Variants in DNAH14 observed in about 807,000 individuals in gnomAD.
The protein encoded by DNAH14 is axonemal beta dynein heavy chain 14.
In DNAH14, 478 loss-of-function variants were observed where a neutral mutation model predicts 520.9. The ratio of observed to expected loss-of-function variants is 0.92; its 90% CI spans 0.85 to 0.99. The LOEUF (loss-of-function observed/expected upper bound fraction) is 0.99. DNAH14 is among the 50% of genes least tolerant of loss of function. The pLI is 0.00. For synonymous variants in DNAH14, 1,581 were observed against 1,757.2 expected (o/e 0.90, Z 2.51); for missense variants, 4,831 against 5,234.5 (o/e 0.92, Z 2.38).
intron 17 of DNAH14, among the ~76,000 whole-genome samples, chr1:225,078,712 A>C (rs1356711097): frequency 6.6e-6 from 1 of 150,670 alleles, no homozygotes; most frequent in African/African-American, 2.5e-5. Flanking sequence ...TGTTCTCGTG[A>C]TAGAGTTCTC....
In DNAH14 at chr1:225,108,456, A is replaced by G. The variant is rs2076252863; in HGVS notation, c.3867+7572A>G. On this transcript the variant is annotated intron_variant, in intron 23 of 85. Transcript: ENST00000682510. The stretch of plus-strand genomic sequence containing the variant: ...TCCTATTAGTCCTGTCCCTCTAGAG[A>G]ACCGTGACTAATACAACCTGGTTGC... 2.0e-5 allele frequency among the ~76,000 whole-genome samples: 3 copies of G among 152,166 alleles called. No individual in the cohort carries two copies. In the South Asian group the frequency reaches 6.2e-4, roughly 32 times the overall value.
intron 8 of DNAH14, among the ~76,000 whole-genome samples, chr1:224,979,870 A>G (rs1558583573): frequency 6.6e-6 from 1 of 152,182 alleles, no homozygotes; most frequent in Admixed American, 6.5e-5. Context: ...GATCCCAGAC[A>G]TTTATAGACA....
At chr1:224,983,523 A>G (rs574311757) in intron 8 of DNAH14, among the ~76,000 whole-genome samples, 13 of 152,240 alleles carry the variant, frequency 8.5e-5, no homozygotes, top group African/African-American at 2.9e-4. Flanking sequence ...CTCCTCTCCA[A>G]CATAGTACTG....
intron 10 of DNAH14, among the ~76,000 whole-genome samples, chr1:225,017,549 TG>T (rs1431827531): frequency 2.6e-5 from 4 of 152,160 alleles, no homozygotes; most frequent in Non-Finnish European, 4.4e-5. Context: ...GGGGTGCTCA[TG>T]CTTCCCCCAT....
At chr1:225,252,227 A>G (rs1429652562) in intron 43 of DNAH14, 74 bp from the exon 44 acceptor site, 1 of 807,118 alleles carries the variant, frequency 1.2e-6, no homozygotes, top group Non-Finnish European at 2.1e-6. Flanking sequence ...TCTTTCAGAG[A>G]GAGTTTACAT....
chr1:225,397,727 CTATT>C (rs1011822844), intron 84 of DNAH14: 2 of 152,166 alleles, frequency 1.3e-5, no homozygotes, highest in Non-Finnish European at 2.9e-5. Context: ...ATGTAATCCT[CTATT>C]TAACCTATAT....
At chr1:225,298,631 G>A (rs1377684220) in intron 55 of DNAH14, among the ~76,000 whole-genome samples, 1 of 152,154 alleles carries the variant, frequency 6.6e-6, no homozygotes, top group Non-Finnish European at 1.5e-5. Flanking sequence ...CATGGCTACT[G>A]GCCCCTAGAG....
chr1:224,995,346 C>A (rs930485018), intron 8 of DNAH14, among the ~76,000 whole-genome samples: 1 of 151,860 alleles, frequency 6.6e-6, no homozygotes, highest in East Asian at 1.9e-4. Context: ...TTTTTTTTCC[C>A]CCTTAGCATT....
At chr1:225,205,921 A>C in intron 39 of DNAH14, 50 bp from the exon 40 acceptor site, 1 of 1,414,562 alleles carries the variant, frequency 7.1e-7, no homozygotes, top group South Asian at 1.3e-5. Flanking sequence ...ATTGTAATGA[A>C]AGATGACGGA....
chr1:225,205,740 A>G (rs1352220672), intron 39 of DNAH14, among the ~76,000 whole-genome samples: 1 of 152,310 alleles, frequency 6.6e-6, no homozygotes, highest in South Asian at 2.1e-4. Flanking sequence ...ATCTAATTCA[A>G]CAATCTAAGA....
intron 55 of DNAH14, among the ~76,000 whole-genome samples, chr1:225,290,934 G>A (rs1195804746): frequency 2.6e-5 from 4 of 151,324 alleles, no homozygotes; most frequent in Non-Finnish European, 2.9e-5. Flanking sequence ...GTTATGTATA[G>A]TTATCCTACA....
intron 68 of DNAH14, chr1:225,338,394 T>C: frequency 1.4e-6 from 1 of 701,136 alleles, no homozygotes; most frequent in South Asian, 1.6e-5. Context: ...AACCAACACT[T>C]TTCAAACTGT....
In DNAH14 at chr1:225,335,694, CAT is replaced by C. The variant is rs1458566506; in HGVS notation, c.10081-1569_10081-1568del. On this transcript the variant is annotated intron_variant, in intron 66 of 85. Coordinates refer to ENST00000682510, the MANE Select transcript of DNAH14 (RefSeq NM_001367479.1). ...GCATATATGTATATACGCATATATA[CAT>C]ATGTGCATATATGTATATACGCATA... Among the ~76,000 whole-genome samples, 118 of 82,956 alleles carry C rather than the reference CAT, an allele frequency of 1.4e-3. 22 individuals are homozygous for C. The highest frequency in any genetic ancestry group is 2.0e-3 in the Non-Finnish European group (83 of 41,116). 54.4% of individuals were successfully genotyped at this position (82,956 alleles called of 152,430 possible). A position where few individuals can be genotyped will look rare whatever the true frequency, so the allele number is the denominator to read the frequency against.
chr1:224,978,961 AT>A (rs2062060198), intron 8 of DNAH14, among the ~76,000 whole-genome samples: 3 of 152,180 alleles, frequency 2.0e-5, no homozygotes, highest in South Asian at 4.1e-4. Context: ...AGGATATTGA[AT>A]GTTATCAAGT....
At chr1:225,282,354 G>A (rs528246514) in intron 54 of DNAH14, among the ~76,000 whole-genome samples, 19 of 152,268 alleles carry the variant, frequency 1.2e-4, no homozygotes, top group East Asian at 7.7e-4. Flanking sequence ...TCTTCTATAC[G>A]CATTTTAAGG....
In DNAH14 at chr1:225,207,027, A is replaced by C; in HGVS notation, c.6246A>C (p.Lys2082Asn). 1 of 1,546,736 alleles carries C rather than the reference A, an allele frequency of 6.5e-7. No homozygotes were observed. The highest frequency in any genetic ancestry group is 8.7e-7 in the Non-Finnish European group (1 of 1,144,886). Residue 2082 changes from lysine to asparagine, a missense_variant, in exon 41 of 86, where the codon AAA (lysine) becomes AAC (asparagine). Physicochemically the swap from Lys to Asn is moderately conservative, Grantham distance 94 (BLOSUM62 0). Coordinates refer to ENST00000682510, the MANE Select transcript of DNAH14 (RefSeq NM_001367479.1). ...AGTCATGGCTTCTGAAAACTTCTAA[A>C]ATTATAAGTCAATCAGGAGTGGATT... ...YVKSWLLKTS[K>N]IISQSGVDCL...
At chr1:225,046,357 T>C (rs1373699203) in intron 15 of DNAH14, among the ~76,000 whole-genome samples, 2 of 152,142 alleles carry the variant, frequency 1.3e-5, no homozygotes, top group African/African-American at 4.8e-5. Context: ...GGATATGGTA[T>C]CATAAGAGAG....
intron 1 of DNAH14, among the ~76,000 whole-genome samples, chr1:224,945,873 G>C (rs1444070843): frequency 1.3e-5 from 2 of 152,288 alleles, no homozygotes; most frequent in Non-Finnish European, 1.5e-5. Flanking sequence ...AGGAGTACCC[G>C]GCCGTGTGAG....
chr1:225,134,955 G>A (rs141586043), intron 27 of DNAH14, among the ~76,000 whole-genome samples: 9 of 152,006 alleles, frequency 5.9e-5, no homozygotes, highest in Middle Eastern at 6.8e-3. Context: ...GTCTTGGGAC[G>A]GTGTATTTGT....
Sources: allele counts gnomAD v4.1 joint callset (sites outside exome capture counted in the v4.1 genomes callset), GRCh38; gene constraint gnomAD v4.1.1; transcripts MANE v1.5; gene names NCBI Gene and HGNC (gene_info 2026-07-23, HGNC 2026-07-21).